The following DDHD1 variants were observed in gnomAD, a reference collection of about 807,000 sequenced individuals.
The protein encoded by DDHD1 is DDHD domain containing 1.
A neutral mutation model predicts 96.4 loss-of-function variants in DDHD1; 49 were observed. That is an observed-to-expected ratio of 0.51 (90% CI 0.40 to 0.64). The LOEUF (loss-of-function observed/expected upper bound fraction) is 0.64. Ranked by LOEUF, DDHD1 falls within the 30% of genes least tolerant of loss-of-function variation. The pLI is 0.00. For missense variants in DDHD1, 1,106 were observed against 1,161.2 expected, an observed-to-expected ratio of 0.95 and a Z score of 0.69; for synonymous variants, 442 against 446.5, an observed-to-expected ratio of 0.99 and a Z score of 0.13.
At chr14:53,101,335 C>G (rs1887278097) in intron 2 of DDHD1, among the ~76,000 whole-genome samples, 1 of 151,836 alleles carries the variant, frequency 6.6e-6, no homozygotes, top group African/African-American at 2.4e-5. Context: ...CCAAATGTAA[C>G]AAGATATAAA....
At chr14:53,089,378 C>A (rs1886246551) in intron 4 of DDHD1, among the ~76,000 whole-genome samples, 12 of 152,120 alleles carry the variant, frequency 7.9e-5, no homozygotes, top group Admixed American at 7.9e-4. Flanking sequence ...GCAAAAAGAA[C>A]AAAGCTGGAG....
chr14:53,075,550 G>A (rs974646435), intron 4 of DDHD1, among the ~76,000 whole-genome samples: 1 of 152,180 alleles, frequency 6.6e-6, no homozygotes, highest in Non-Finnish European at 1.5e-5. Context: ...ACATAAAAGT[G>A]CGAGGTAAGT....
Position 53,040,279 on chromosome 14 carries a change from C to A in DDHD1, c.*6489G>T, listed in dbSNP as rs994965464. 3 of 152,186 alleles carry A rather than the reference C, an allele frequency of 2.0e-5. No individual in the cohort carries two copies. Among genetic ancestry groups the A allele is most frequent in the African/African-American group, 7.2e-5 (3 of 41,446 alleles). 9.4% of individuals were successfully genotyped at this position (152,186 alleles called of 1,614,324 possible). ...CTAATATATAAGTGTACTTTATCCT[C>A]TGATGTTCTAGAGGGAGTTGTGGCC... is the stretch of plus-strand genomic sequence containing the variant. On this transcript the variant is annotated 3_prime_UTR_variant, in exon 13 of 13. Coordinates refer to ENST00000673822, the MANE Select transcript of DDHD1 (RefSeq NM_001160148.2).
At position 53,041,389 on chromosome 14, in the gene DDHD1, T is replaced by TACAC. The variant is rs1231604687; in HGVS notation, c.*5375_*5378dup. ...ACTATTTTTGGGGAATGCACATACATACACACACACACCAAAAAACAAAAC... is the reference window on the plus strand; with the variant it reads ...ACTATTTTTGGGGAATGCACATACATACACACACACACACACCAAAAAACAAAAC... On this transcript the variant is annotated 3_prime_UTR_variant, in exon 13 of 13. Transcript: ENST00000673822. 1.3e-5 allele frequency: 2 copies of TACAC among 151,898 alleles called. No individual in the cohort carries two copies. The highest frequency in any genetic ancestry group is 4.8e-5 in the African/African-American group (2 of 41,370). 9.4% of individuals were successfully genotyped at this position (151,898 alleles called of 1,614,324 possible).
chr14:53,049,345 T>G (rs950027373), intron 12 of DDHD1, among the ~76,000 whole-genome samples: 1 of 152,222 alleles, frequency 6.6e-6, no homozygotes, highest in Non-Finnish European at 1.5e-5. Context: ...TGAAAAGGTT[T>G]ACCCCAGGCA....
chr14:53,061,394 A>G, intron 7 of DDHD1, 193 bp from the exon 8 acceptor site: 1 of 465,556 alleles, frequency 2.1e-6, no homozygotes, highest in Non-Finnish European at 3.7e-6. Context: ...AATAATTAGT[A>G]AAGTACCGCT....
intron 1 of DDHD1, among the ~76,000 whole-genome samples, chr14:53,150,686 T>A (rs1445557940): frequency 6.6e-6 from 1 of 152,196 alleles, no homozygotes; most frequent in Non-Finnish European, 1.5e-5. Context: ...TTGGTACTTC[T>A]ATCTTCAGGA....
chr14:53,152,340 G>A lies in DDHD1; in HGVS notation c.759C>T (p.Asn253=), dbSNP rs749041053. 1.9e-6 allele frequency: 3 copies of A among 1,613,888 alleles called. No individual in the cohort carries two copies. Among genetic ancestry groups the A allele is most frequent in the Admixed American group, 1.7e-5 (1 of 60,008 alleles). ...CGCCCCGCACGCACACAGGCTCGAT[G>A]TTCACAAGCTCCACCATCTCCGGCT... ...GHEPEMVELV[N]IEPVCVRGGL... The change falls in exon 1 of 13, where the codon AAC becomes AAT. Residue 253 remains asparagine, a synonymous_variant. Transcript: ENST00000673822.
At chr14:53,112,560 T>C (rs1205517683) in intron 1 of DDHD1, among the ~76,000 whole-genome samples, 1 of 152,266 alleles carries the variant, frequency 6.6e-6, no homozygotes, top group Non-Finnish European at 1.5e-5. Context: ...GTTTTTTGCA[T>C]GCTCTCCATG....
chr14:53,080,085 G>A (rs912136665), intron 4 of DDHD1, among the ~76,000 whole-genome samples: 8 of 152,114 alleles, frequency 5.3e-5, no homozygotes, highest in Non-Finnish European at 1.2e-4. Flanking sequence ...ATCTGTTTGG[G>A]TGCATTGCTC....
chr14:53,088,766 A>C (rs557224204), intron 4 of DDHD1, among the ~76,000 whole-genome samples: 5 of 152,324 alleles, frequency 3.3e-5, no homozygotes, highest in African/African-American at 1.2e-4. Context: ...GGCACAACAC[A>C]GGGATGCCCT....
chr14:53,063,441 G>A (rs1021832849), intron 6 of DDHD1, among the ~76,000 whole-genome samples: 1 of 151,154 alleles, frequency 6.6e-6, no homozygotes, highest in Non-Finnish European at 1.5e-5. Flanking sequence ...AGATCCTTCT[G>A]TAGTCCTTAA....
intron 9 of DDHD1, among the ~76,000 whole-genome samples, chr14:53,057,404 A>G (rs939438391): frequency 5.9e-5 from 9 of 152,226 alleles, no homozygotes; most frequent in Non-Finnish European, 1.2e-4. Flanking sequence ...GAGTGCTTCC[A>G]TTAAAAAAAA....
chr14:53,152,892 C>A lies in DDHD1; in HGVS notation c.207G>T (p.Pro69=), dbSNP rs765219718. The A allele has an allele frequency of 1.2e-6, 2 of 1,608,900 alleles. No homozygotes were observed. The highest frequency in any genetic ancestry group is 2.7e-5 in the African/African-American group (2 of 74,606). ...LRGEPGLHLA[P]GTDDHNHHLA... ...GGTGGTGGTTGTGGTCGTCGGTGCC[C>A]GGCGCCAAATGCAGCCCGGGTTCCC... The change falls in exon 1 of 13, where the codon CCG becomes CCT. Residue 69 remains proline, a synonymous_variant. Coordinates refer to ENST00000673822, the MANE Select transcript of DDHD1 (RefSeq NM_001160148.2).
At chr14:53,152,233 C>T in intron 1 of DDHD1, 28 bp downstream of exon 1, 1 of 1,565,972 alleles carries the variant, frequency 6.4e-7, no homozygotes, top group Non-Finnish European at 8.7e-7. Flanking sequence ...GGCAGCCCGT[C>T]CTGCCCTAAC....
chr14:53,135,302 A>T (rs1595248520), intron 1 of DDHD1, among the ~76,000 whole-genome samples: 3 of 152,280 alleles, frequency 2.0e-5, no homozygotes, highest in Admixed American at 2.0e-4. Flanking sequence ...CACCCTTGTG[A>T]TAATGCACTT....
chr14:53,069,451 A>G (rs1316290564), intron 6 of DDHD1, among the ~76,000 whole-genome samples: 1 of 152,210 alleles, frequency 6.6e-6, no homozygotes, highest in Non-Finnish European at 1.5e-5. Flanking sequence ...TGTGCATTTT[A>G]TAGCAATAGA....
At chr14:53,097,265 G>A (rs1029263253) in intron 2 of DDHD1, among the ~76,000 whole-genome samples, 5 of 151,922 alleles carry the variant, frequency 3.3e-5, no homozygotes, top group African/African-American at 1.2e-4. Flanking sequence ...CAAATCTGTT[G>A]AATATGCAGA....
intron 9 of DDHD1, among the ~76,000 whole-genome samples, chr14:53,058,146 T>G (rs1454462276): frequency 6.7e-6 from 1 of 149,598 alleles, no homozygotes; most frequent in African/African-American, 2.5e-5. Flanking sequence ...TTTTTTCTTT[T>G]TGTTTGAGAT....
Sources: gnomAD v4.1 joint callset for allele counts (sites outside exome capture counted in the v4.1 genomes callset) on GRCh38, gnomAD v4.1.1 for gene constraint, MANE v1.5 for transcripts, NCBI Gene and HGNC (gene_info 2026-07-23, HGNC 2026-07-21) for gene names.